The following TATDN2 variants were observed in gnomAD, a reference collection of about 807,000 sequenced individuals.
TATDN2 encodes 3'-5' RNA nuclease TATDN2.
TATDN2 carries 44 observed loss-of-function variants against 60.3 expected under a neutral mutation model. That is an observed-to-expected ratio of 0.73 (90% CI 0.57 to 0.94). The LOEUF (loss-of-function observed/expected upper bound fraction) is 0.94. Ranked by LOEUF, TATDN2 falls within the 40% of genes least tolerant of loss-of-function variation. The probability of loss-of-function intolerance (pLI) is 0.00; values close to 1 mark genes in which losing one functional copy is unlikely to be tolerated. For missense variants in TATDN2, 997 were observed against 948.0 expected, an observed-to-expected ratio of 1.05 and a Z score of -0.68; for synonymous variants, 399 against 355.8, an observed-to-expected ratio of 1.12 and a Z score of -1.37.
chr3:10,270,922 G>A lies in TATDN2; in HGVS notation c.1740G>A (p.Leu580=), dbSNP rs371942320. 13 of 1,614,046 alleles carry A rather than the reference G, an allele frequency of 8.1e-6. No individual in the cohort carries two copies. The African/African-American group carries it at 1.5e-4, about 18-fold the overall frequency. The change falls in exon 4 of 8, where the codon TTG becomes TTA. Residue 580 remains leucine (L), a synonymous_variant. Coordinates refer to ENST00000448281, the MANE Select transcript of TATDN2 (RefSeq NM_014760.4). ...GTGAGAGTCAAGAAAGAAATCTTTT[G>A]CAAGCCTTAAGGCACCCTAAGGCTG... ...YYSESQERNL[L]QALRHPKAVA... is the part of the protein sequence containing the mutation.
chr3:10,276,546 A>T, intron 5 of TATDN2, 58 bp downstream of exon 5: 1 of 1,603,204 alleles, frequency 6.2e-7, no homozygotes, highest in Non-Finnish European at 8.5e-7. Context: ...TGTCAAGTTG[A>T]TGAGGACAGC....
At chr3:10,273,647 G>A (rs564915563) in intron 4 of TATDN2, among the ~76,000 whole-genome samples, 1 of 152,126 alleles carries the variant, frequency 6.6e-6, no homozygotes, top group East Asian at 1.9e-4. Context: ...CAAGATGATA[G>A]GGTGACAGAC....
chr3:10,266,931 C>CTTTTTTT lies in TATDN2; in HGVS notation c.949-3189_949-3183dup, dbSNP rs199956355. Among the ~76,000 whole-genome samples the CTTTTTTT allele has an allele frequency of 1.1e-4, 14 of 126,904 alleles. 1 individual carries two copies. The highest frequency in any genetic ancestry group is 6.6e-5 in the Non-Finnish European group (4 of 60,906). 83.3% of individuals were successfully genotyped at this position (126,904 alleles called of 152,430 possible). On this transcript the variant is annotated intron_variant, in intron 3 of 7. Transcript: ENST00000448281. ...ACAGGCTTAAACTAACTAAGGCAGT[C>CTTTTTTT]TTTTTTTTTTTTTTTTTGAGACAGA...
At chr3:10,261,226 A>T (rs1191478686) in intron 3 of TATDN2, among the ~76,000 whole-genome samples, 5 of 152,242 alleles carry the variant, frequency 3.3e-5, no homozygotes, top group African/African-American at 1.2e-4. Context: ...CCTGGCTGCA[A>T]GGGAGTCTGG....
chr3:10,260,422 G>GCAGAAGGAGCAGC lies in TATDN2; in HGVS notation c.704_716dup (p.Ser240ArgfsTer27). 1 of 1,614,180 alleles carries GCAGAAGGAGCAGC rather than the reference G, an allele frequency of 6.2e-7. No homozygotes were observed. The highest frequency in any genetic ancestry group is 1.1e-5 in the South Asian group (1 of 91,086). On this transcript the variant is annotated frameshift_variant, in exon 3 of 8. Coordinates refer to ENST00000448281, the MANE Select transcript of TATDN2 (RefSeq NM_014760.4). LOFTEE classifies it high-confidence loss of function. ...CAGGAGTGAAGGACCAGCCAAGACT[G>GCAGAAGGAGCAGC]CAGAAGGAGCAGCCAGGAGTGTCAC...
intron 2 of TATDN2, among the ~76,000 whole-genome samples, chr3:10,255,215 T>C (rs1698291012): frequency 1.3e-5 from 2 of 151,732 alleles, no homozygotes; most frequent in African/African-American, 4.8e-5. Context: ...TTTTTTGCCA[T>C]GTTGCCCAGG....
chr3:10,250,291 G>A (rs892149733), intron 2 of TATDN2, among the ~76,000 whole-genome samples: 3 of 151,080 alleles, frequency 2.0e-5, no homozygotes, highest in Non-Finnish European at 2.9e-5. Context: ...GATACATTTC[G>A]CTCATCTACT....
chr3:10,255,006 CT>C lies in TATDN2; in HGVS notation c.415-5129del, dbSNP rs1402171160. ...CCCCCTTCCCCCTTCCTCCTTCCCA[CT>C]TCCCACTCCCCCTCCCCCTCCCCCT... On this transcript the variant is annotated intron_variant, in intron 2 of 7. Transcript: ENST00000448281. Among the ~76,000 whole-genome samples the C allele has an allele frequency of 2.9e-3, 330 of 115,562 alleles. 1 individual carries two copies. The highest frequency in any genetic ancestry group is 0.012 in the Middle Eastern group (3 of 244). 75.8% of individuals were successfully genotyped at this position (115,562 alleles called of 152,430 possible). A position where few individuals can be genotyped will look rare whatever the true frequency, so the allele number is the denominator to read the frequency against.
At chr3:10,262,495 G>A (rs957702132) in intron 3 of TATDN2, among the ~76,000 whole-genome samples, 2 of 140,262 alleles carry the variant, frequency 1.4e-5, no homozygotes. Flanking sequence ...TTTTGTTTGG[G>A]ATTTTGAAGG....
intron 4 of TATDN2, 125 bp from the exon 5 acceptor site, chr3:10,276,236 A>T (rs772747427): frequency 1.6e-6 from 2 of 1,216,506 alleles, no homozygotes; most frequent in East Asian, 4.8e-5. Flanking sequence ...ATCATTAGCT[A>T]TTATTACATT....
chr3:10,257,071 G>A (rs976416514), intron 2 of TATDN2, among the ~76,000 whole-genome samples: 1 of 151,608 alleles, frequency 6.6e-6, no homozygotes, highest in Admixed American at 6.6e-5. Flanking sequence ...AAGGCGGGCA[G>A]ATCACTTGAG....
intron 3 of TATDN2, among the ~76,000 whole-genome samples, chr3:10,264,054 C>T (rs1698444758): frequency 6.6e-6 from 1 of 152,160 alleles, no homozygotes; most frequent in African/African-American, 2.4e-5. Context: ...GGTGCAGTAC[C>T]AGTGCCCTCC....
intron 4 of TATDN2, among the ~76,000 whole-genome samples, chr3:10,273,464 A>C (rs1013089215): frequency 6.6e-6 from 1 of 152,112 alleles, no homozygotes; most frequent in African/African-American, 2.4e-5. Flanking sequence ...GAAGAAGAAG[A>C]ACCTATAGAG....
chr3:10,251,944 T>C (rs1042667885), intron 2 of TATDN2, among the ~76,000 whole-genome samples: 2 of 150,838 alleles, frequency 1.3e-5, no homozygotes, highest in Non-Finnish European at 1.5e-5. Flanking sequence ...GTCAGGAGAT[T>C]GAGACTACCC....
chr3:10,265,044 G>GTT (rs747922225), intron 3 of TATDN2, among the ~76,000 whole-genome samples: 17 of 109,750 alleles, frequency 1.5e-4, no homozygotes, highest in African/African-American at 4.4e-4. Flanking sequence ...CCTGTGCGTG[G>GTT]TTTTTTTTTT....
intron 3 of TATDN2, among the ~76,000 whole-genome samples, chr3:10,265,059 T>A (rs1282125480): frequency 4.3e-5 from 6 of 138,136 alleles, no homozygotes; most frequent in Non-Finnish European, 7.7e-5. Flanking sequence ...TTTTTTTTTT[T>A]ATTGCTGCCA....
At chr3:10,257,294 T>TTATTTATATATATATATATATATATATA (rs1698321791) in intron 2 of TATDN2, among the ~76,000 whole-genome samples, 5 of 133,598 alleles carry the variant, frequency 3.7e-5, no homozygotes, top group African/African-American at 1.4e-4. Flanking sequence ...CAAAAAAAAA[T>TTATTTATATATATATATATATATATATA]TATATATATA....
Position 10,260,647 on chromosome 3 carries a change from G to T in TATDN2, c.925G>T (p.Asp309Tyr). 6.2e-7 allele frequency: 1 copy of T among 1,613,414 alleles called. No individual in the cohort carries two copies. The highest frequency in any genetic ancestry group is 8.5e-7 in the Non-Finnish European group (1 of 1,179,730). Residue 309 changes from aspartate to tyrosine, a missense_variant, in exon 3 of 8, where the codon GAC becomes TAC. Transcript: ENST00000448281. The part of the protein sequence containing the change: ...SPPLEFLDDS[D>Y]SHLEIQKHKD... The stretch of plus-strand genomic sequence containing the variant: ...ACCCCTAGAGTTCTTGGATGACTCT[G>T]ACTCTCATTTAGAAATCCAAAAGGT...
At chr3:10,274,114 T>C (rs376083250) in intron 4 of TATDN2, among the ~76,000 whole-genome samples, 1 of 152,292 alleles carries the variant, frequency 6.6e-6, no homozygotes, top group African/African-American at 2.4e-5. Context: ...TAATAACTCA[T>C]CTGTACTTCC....
Sources: gnomAD v4.1 joint callset for allele counts (sites outside exome capture counted in the v4.1 genomes callset) on GRCh38, gnomAD v4.1.1 for gene constraint, MANE v1.5 for transcripts, NCBI Gene and HGNC (gene_info 2026-07-23, HGNC 2026-07-21) for gene names.